Variants in ADK observed in about 807,000 individuals in gnomAD.
ADK encodes the protein adenosine kinase.
A neutral mutation model predicts 44.7 loss-of-function variants in ADK; 24 were observed. The observed-to-expected ratio is 0.54, with a 90% CI of 0.39 to 0.76. The LOEUF is 0.76. ADK is among the 30% of genes least tolerant of loss of function. The probability of loss-of-function intolerance (pLI) is 0.00; values close to 1 mark genes in which losing one functional copy is unlikely to be tolerated. For synonymous variants in ADK, 128 were observed against 142.6 expected, an observed-to-expected ratio of 0.90 and a Z score of 0.73; for missense variants, 321 against 425.1, an observed-to-expected ratio of 0.76 and a Z score of 2.15.
intron 3 of ADK, among the ~76,000 whole-genome samples, chr10:74,230,913 C>G (rs1000293368): frequency 6.6e-6 from 1 of 152,104 alleles, no homozygotes; most frequent in Admixed American, 6.5e-5. Flanking sequence ...AACTCCTGAC[C>G]TCAGGTGATC....
intron 7 of ADK, among the ~76,000 whole-genome samples, chr10:74,544,222 G>T (rs1849746035): frequency 6.6e-6 from 1 of 152,104 alleles, no homozygotes; most frequent in South Asian, 2.1e-4. Context: ...CTACATTCTG[G>T]CCACTTGATT....
chr10:74,532,037 C>T (rs1248734717), intron 7 of ADK, among the ~76,000 whole-genome samples: 1 of 152,194 alleles, frequency 6.6e-6, no homozygotes, highest in African/African-American at 2.4e-5. Flanking sequence ...AATTTTAGCA[C>T]ATCAAACCGA....
chr10:74,646,209 A>C (rs1027759583), intron 9 of ADK, among the ~76,000 whole-genome samples: 1 of 152,230 alleles, frequency 6.6e-6, no homozygotes, highest in Admixed American at 6.5e-5. Context: ...GGATAATAAT[A>C]CAAGTTCCTT....
intron 7 of ADK, among the ~76,000 whole-genome samples, chr10:74,551,710 A>G (rs1850040738): frequency 6.6e-6 from 1 of 152,222 alleles, no homozygotes; most frequent in African/African-American, 2.4e-5. Context: ...AACTGAAGGC[A>G]GAAAATATTT....
rs60431495 is a variant in ADK at position 74,156,624 on chromosome 10, GA to G, written c.65+5288del. ...CCAAAGTGTTTACAGTTAGGTGGGG[GA>G]AAAAAAGTATCAAAATTTTAAAGAG... On this transcript the variant is annotated intron_variant, in intron 1 of 10. Coordinates refer to ENST00000539909, the MANE Select transcript of ADK (RefSeq NM_006721.4). 2.9e-3 allele frequency among the ~76,000 whole-genome samples: 444 copies of G among 152,190 alleles called. 4 individuals carry two copies. Among genetic ancestry groups the G allele is most frequent in the African/African-American group, 0.01 (418 of 41,522 alleles).
intron 4 of ADK, among the ~76,000 whole-genome samples, chr10:74,376,683 T>C (rs1262912358): frequency 6.6e-6 from 1 of 152,134 alleles, no homozygotes; most frequent in Non-Finnish European, 1.5e-5. Context: ...AAAATAGCCT[T>C]TTACAGTAAG....
intron 10 of ADK, among the ~76,000 whole-genome samples, chr10:74,690,274 C>T (rs1452186893): frequency 1.3e-5 from 2 of 152,198 alleles, no homozygotes; most frequent in African/African-American, 2.4e-5. Flanking sequence ...ATGGGTGGAT[C>T]GCTTGAACTC....
At chr10:74,497,895 T>C (rs2133431800) in intron 6 of ADK, among the ~76,000 whole-genome samples, 1 of 151,898 alleles carries the variant, frequency 6.6e-6, no homozygotes, top group Middle Eastern at 3.4e-3. Flanking sequence ...TCTTTTTTTT[T>C]TTTCTTTTTT....
rs1054812097 is a variant in ADK, at chr10:74,329,029, A to G, written c.273+14284A>G. 8.6e-5 allele frequency among the ~76,000 whole-genome samples: 13 copies of G among 150,484 alleles called. No individual in the cohort carries two copies. In the East Asian group the frequency reaches 2.5e-3, roughly 29 times the overall value. On this transcript the variant is annotated intron_variant, in intron 4 of 10. Coordinates refer to ENST00000539909, the MANE Select transcript of ADK (RefSeq NM_006721.4). ...TATGTAACTAACCTGCACATTGTGTACATGTACCCTAGAACTTAAAGTATA... is the reference window on the plus strand; with the variant it reads ...TATGTAACTAACCTGCACATTGTGTGCATGTACCCTAGAACTTAAAGTATA...
intron 3 of ADK, among the ~76,000 whole-genome samples, chr10:74,259,990 G>A (rs910511722): frequency 2.6e-4 from 39 of 151,914 alleles, no homozygotes; most frequent in African/African-American, 8.7e-4. Flanking sequence ...ACCCTTTTGA[G>A]AGAGTTTTAG....
rs996739564 is a variant in ADK at position 74,613,593 on chromosome 10, T to C, written c.877+13100T>C. On this transcript the variant is annotated intron_variant, in intron 9 of 10. Transcript: ENST00000539909. ...GGGTTATTGACGTTACTTGTCTTCA[T>C]GTTCCTGAGTCCTTAAAGAAACGTG... is the stretch of plus-strand genomic sequence containing the variant. 3.3e-5 allele frequency among the ~76,000 whole-genome samples: 5 copies of C among 152,144 alleles called. 1 individual carries two copies. Among genetic ancestry groups the C allele is most frequent in the Non-Finnish European group, 5.9e-5 (4 of 68,012 alleles).
chr10:74,484,721 G>A (rs746776958), intron 6 of ADK, among the ~76,000 whole-genome samples: 2 of 152,132 alleles, frequency 1.3e-5, no homozygotes, highest in South Asian at 2.1e-4. Flanking sequence ...ATAGCAGTTC[G>A]CTATTAGGAC....
intron 4 of ADK, among the ~76,000 whole-genome samples, chr10:74,393,791 A>G (rs749389539): frequency 3.9e-5 from 6 of 152,186 alleles, no homozygotes; most frequent in Non-Finnish European, 5.9e-5. Context: ...AGAGTCTTCA[A>G]TCAAGATGGA....
chr10:74,647,931 A>T (rs1854112141), intron 9 of ADK, among the ~76,000 whole-genome samples: 1 of 152,230 alleles, frequency 6.6e-6, no homozygotes. Context: ...TACAATCAGC[A>T]ACTAATTCCT....
chr10:74,248,677 T>A (rs1845526452), intron 3 of ADK, among the ~76,000 whole-genome samples: 1 of 152,172 alleles, frequency 6.6e-6, no homozygotes, highest in East Asian at 1.9e-4. Flanking sequence ...ATTAAGTGTT[T>A]GAGTATACTT....
chr10:74,678,298 G>C (rs1752176794), intron 10 of ADK, among the ~76,000 whole-genome samples: 1 of 152,138 alleles, frequency 6.6e-6, no homozygotes, highest in Non-Finnish European at 1.5e-5. Flanking sequence ...TAGTCAAGCT[G>C]AAGCTAGACC....
intron 9 of ADK, among the ~76,000 whole-genome samples, chr10:74,612,685 G>C (rs192862017): frequency 2.0e-5 from 3 of 152,208 alleles, no homozygotes. Flanking sequence ...TGAGGTCTTA[G>C]TCATAAATTC....
chr10:74,200,374 C>T (rs1490468837), intron 1 of ADK, among the ~76,000 whole-genome samples: 4 of 151,346 alleles, frequency 2.6e-5, no homozygotes, highest in Non-Finnish European at 4.4e-5. Context: ...ATCCCAGCTA[C>T]TCAGGAGGCT....
intron 4 of ADK, among the ~76,000 whole-genome samples, chr10:74,351,413 C>A (rs1841959818): frequency 6.6e-6 from 1 of 152,114 alleles, no homozygotes; most frequent in African/African-American, 2.4e-5. Flanking sequence ...ATTGATGGAA[C>A]ATATCTCAAA....
Sources: gnomAD v4.1 joint callset for allele counts (sites outside exome capture counted in the v4.1 genomes callset) on GRCh38, gnomAD v4.1.1 for gene constraint, MANE v1.5 for transcripts, NCBI Gene and HGNC (gene_info 2026-07-23, HGNC 2026-07-21) for gene names.